The following GRIN2A variants were observed in gnomAD, a reference collection of about 807,000 sequenced individuals.
GRIN2A encodes glutamate ionotropic receptor NMDA type subunit 2A.
A neutral mutation model predicts 113.4 loss-of-function variants in GRIN2A; 22 were observed. The observed-to-expected ratio is 0.19, with a 90% CI of 0.14 to 0.28. The LOEUF is 0.28. Among genes scored for constraint, GRIN2A ranks in the 10% least tolerant of loss-of-function variants. The probability of loss-of-function intolerance (pLI) is 1.00; values close to 1 mark genes in which losing one functional copy is unlikely to be tolerated. For synonymous variants in GRIN2A, 827 were observed against 738.4 expected, an observed-to-expected ratio of 1.12 and a Z score of -1.94; for missense variants, 1,502 against 1,887.0, an observed-to-expected ratio of 0.80 and a Z score of 3.78.
intron 11 of GRIN2A, among the ~76,000 whole-genome samples, chr16:9,782,075 T>C (rs886766323): frequency 1.3e-5 from 2 of 152,196 alleles, no homozygotes; most frequent in South Asian, 2.1e-4. Flanking sequence ...AAAACAATTA[T>C]GTTAAAGTAG....
intron 4 of GRIN2A, among the ~76,000 whole-genome samples, chr16:9,868,525 C>T (rs991473298): frequency 1.3e-5 from 2 of 152,166 alleles, no homozygotes; most frequent in Non-Finnish European, 1.5e-5. Flanking sequence ...CCTCAACCTC[C>T]CAAAGTGGTG....
intron 2 of GRIN2A, among the ~76,000 whole-genome samples, chr16:10,178,573 A>G (rs1296515307): frequency 6.6e-6 from 1 of 152,218 alleles, no homozygotes; most frequent in African/African-American, 2.4e-5. Flanking sequence ...GGAGCCCCCC[A>G]AAACTGAGAA....
intron 5 of GRIN2A, among the ~76,000 whole-genome samples, chr16:9,847,733 TA>T (rs1208231068): frequency 6.7e-6 from 1 of 148,994 alleles, no homozygotes; most frequent in Non-Finnish European, 1.5e-5. Context: ...TTTTAACACA[TA>T]AAAATATATA....
At chr16:10,127,074 G>A (rs975975568) in intron 2 of GRIN2A, among the ~76,000 whole-genome samples, 4 of 152,144 alleles carry the variant, frequency 2.6e-5, no homozygotes, top group Non-Finnish European at 5.9e-5. Flanking sequence ...CTTCCTGACA[G>A]CAACAGGGGC....
chr16:9,911,203 T>C (rs1425390875), intron 3 of GRIN2A, among the ~76,000 whole-genome samples: 1 of 152,040 alleles, frequency 6.6e-6, no homozygotes, highest in Non-Finnish European at 1.5e-5. Flanking sequence ...AAAATGACCA[T>C]AAGCTGAGTG....
At chr16:9,949,992 C>T (rs192957348) in intron 2 of GRIN2A, among the ~76,000 whole-genome samples, 107 of 152,120 alleles carry the variant, frequency 7.0e-4, no homozygotes, top group Middle Eastern at 6.8e-3. Context: ...CCATTGCTAC[C>T]CAAACTCTCA....
At chr16:9,991,701 C>A (rs2046116090) in intron 2 of GRIN2A, among the ~76,000 whole-genome samples, 1 of 152,098 alleles carries the variant, frequency 6.6e-6, no homozygotes, top group African/African-American at 2.4e-5. Flanking sequence ...ACATATACAC[C>A]ATGGAATACT....
At chr16:10,101,655 C>A (rs769589863) in intron 2 of GRIN2A, among the ~76,000 whole-genome samples, 1 of 152,190 alleles carries the variant, frequency 6.6e-6, no homozygotes, top group African/African-American at 2.4e-5. Flanking sequence ...AAACTTGGGA[C>A]AAGAGCCTAA....
intron 2 of GRIN2A, among the ~76,000 whole-genome samples, chr16:10,011,079 C>T (rs2046495851): frequency 6.6e-6 from 1 of 152,208 alleles, no homozygotes; most frequent in Non-Finnish European, 1.5e-5. Flanking sequence ...AGTAACCCCA[C>T]AAACAACTGG....
chr16:9,850,797 C>A (rs2042870045), intron 4 of GRIN2A, among the ~76,000 whole-genome samples: 1 of 152,154 alleles, frequency 6.6e-6, no homozygotes, highest in Non-Finnish European at 1.5e-5. Flanking sequence ...TCCCTCGGAG[C>A]AGCAGTCGGC....
chr16:10,016,557 C>T (rs2141883798), intron 2 of GRIN2A, among the ~76,000 whole-genome samples: 1 of 152,200 alleles, frequency 6.6e-6, no homozygotes, highest in East Asian at 1.9e-4. Flanking sequence ...GGCAGGGAGC[C>T]CTGTGCCTCC....
chr16:9,825,619 C>A (rs1164566594), intron 9 of GRIN2A, among the ~76,000 whole-genome samples: 2 of 152,092 alleles, frequency 1.3e-5, no homozygotes, highest in Non-Finnish European at 2.9e-5. Flanking sequence ...TCTTCTGTGC[C>A]TGTAAATAAG....
At chr16:10,036,726 G>C (rs557792892) in intron 2 of GRIN2A, among the ~76,000 whole-genome samples, 1 of 151,814 alleles carries the variant, frequency 6.6e-6, no homozygotes, top group African/African-American at 2.4e-5. Flanking sequence ...GACTACAGGC[G>C]TGAGCCACCG....
intron 11 of GRIN2A, among the ~76,000 whole-genome samples, chr16:9,777,758 C>A (rs1901689418): frequency 6.6e-6 from 1 of 152,194 alleles, no homozygotes; most frequent in African/African-American, 2.4e-5. Context: ...ACACAGGTTC[C>A]CAACCATAAA....
chr16:9,836,311 A>G (rs1248775173), intron 7 of GRIN2A, among the ~76,000 whole-genome samples: 1 of 152,242 alleles, frequency 6.6e-6, no homozygotes, highest in Non-Finnish European at 1.5e-5. Context: ...TGGGGCAACA[A>G]TACGCTGTCC....
At chr16:10,063,102 C>T (rs1034413005) in intron 2 of GRIN2A, among the ~76,000 whole-genome samples, 3 of 152,084 alleles carry the variant, frequency 2.0e-5, no homozygotes, top group African/African-American at 7.2e-5. Flanking sequence ...AGGACATTAT[C>T]CTAAGCAAAT....
At chr16:10,038,250 C>T (rs2141949022) in intron 2 of GRIN2A, among the ~76,000 whole-genome samples, 1 of 152,206 alleles carries the variant, frequency 6.6e-6, no homozygotes, top group African/African-American at 2.4e-5. Flanking sequence ...GCCCTAATCC[C>T]ATTCATGACT....
At chr16:10,068,818 G>A (rs2047696956) in intron 2 of GRIN2A, among the ~76,000 whole-genome samples, 1 of 152,208 alleles carries the variant, frequency 6.6e-6, no homozygotes. Context: ...CTCTGGGGAA[G>A]CGACATTGAA....
intron 2 of GRIN2A, among the ~76,000 whole-genome samples, chr16:10,080,532 C>A (rs544244554): frequency 2.0e-4 from 31 of 152,152 alleles, no homozygotes; most frequent in Non-Finnish European, 4.1e-4. Context: ...ATCCCTCAGG[C>A]TAGGCTATTC....
Sources: allele counts gnomAD v4.1 joint callset (sites outside exome capture counted in the v4.1 genomes callset), GRCh38; gene constraint gnomAD v4.1.1; transcripts MANE v1.5; gene names NCBI Gene and HGNC (gene_info 2026-07-23, HGNC 2026-07-21).